Variants in MAP7D2 observed in about 807,000 individuals in gnomAD.
MAP7D2 encodes MAP7 domain-containing protein 2.
A neutral mutation model predicts 63.5 loss-of-function variants in MAP7D2; 33 were observed. The ratio of observed to expected loss-of-function variants is 0.52; its 90% confidence interval spans 0.39 to 0.70. The LOEUF (loss-of-function observed/expected upper bound fraction) is 0.70, where lower values mean the gene tolerates loss of function less well. Ranked by LOEUF, MAP7D2 falls within the 30% of genes least tolerant of loss-of-function variation. The pLI, the probability that MAP7D2 is intolerant of heterozygous loss-of-function variation, is 0.00. For missense variants in MAP7D2, 626 were observed against 604.0 expected (o/e 1.04, Z -0.38); for synonymous variants, 224 against 223.7 (o/e 1.00, Z -0.01).
intron 1 of MAP7D2, among the ~76,000 whole-genome samples, chrX:20,099,235 ACTCTCTCTCTCTCTCTCT>A (rs72039188): frequency 6.6e-4 from 62 of 93,655 alleles, no homozygotes; most frequent in African/African-American, 2.1e-3. Context: ...GCAAGTTTAT[ACTCTCTCTCTCTCTCTCT>A]CTCTCTCTCT....
At chrX:20,062,404 G>A (rs761025724) in intron 3 of MAP7D2, among the ~76,000 whole-genome samples, 1 of 111,008 alleles carries the variant, frequency 9.0e-6, no homozygotes, top group Admixed American at 9.6e-5. Flanking sequence ...TCTAAGAGGA[G>A]GAAAGAAATC....
chrX:20,099,317 G>A (rs1264489389), intron 1 of MAP7D2, among the ~76,000 whole-genome samples: 2 of 109,104 alleles, frequency 1.8e-5, no homozygotes, highest in East Asian at 2.9e-4. Context: ...TAACACCTCG[G>A]CAGCCTAGAA....
At chrX:20,116,082 G>C (rs1012424346) in intron 1 of MAP7D2, among the ~76,000 whole-genome samples, 2 of 113,040 alleles carry the variant, frequency 1.8e-5, no homozygotes, top group African/African-American at 3.2e-5. Context: ...ATGGCTCCCA[G>C]CATCGGCAGC....
intron 4 of MAP7D2, among the ~76,000 whole-genome samples, chrX:20,053,907 G>A (rs755672974): frequency 6.3e-5 from 7 of 111,452 alleles, no homozygotes; most frequent in Non-Finnish European, 1.3e-4. Context: ...GCAGTGGCAC[G>A]ATCTCGGCTC....
chrX:20,042,088 G>C (rs749235592), intron 8 of MAP7D2, among the ~76,000 whole-genome samples: 4 of 111,019 alleles, frequency 3.6e-5, no homozygotes, highest in Non-Finnish European at 5.7e-5. Context: ...AAATACTGTT[G>C]ATCATGGCTG....
intron 6 of MAP7D2, among the ~76,000 whole-genome samples, chrX:20,044,872 AG>A (rs2064753877): frequency 9.0e-6 from 1 of 111,595 alleles, no homozygotes; most frequent in Admixed American, 9.6e-5. Context: ...GTGCTTGGAA[AG>A]GCCTGCTTAT....
chrX:20,066,739 C>A (rs763765953), intron 1 of MAP7D2, among the ~76,000 whole-genome samples: 1 of 111,318 alleles, frequency 9.0e-6, no homozygotes, highest in African/African-American at 3.3e-5. Flanking sequence ...TTAAACCCTG[C>A]CCATCTTCAA....
intron 1 of MAP7D2, among the ~76,000 whole-genome samples, chrX:20,107,104 A>C (rs779118650): frequency 1.4e-3 from 160 of 111,459 alleles, no homozygotes; most frequent in African/African-American, 4.8e-3. Flanking sequence ...AAATGATGAA[A>C]TCTAATGTGC....
At position 20,054,483 on chromosome X, in the gene MAP7D2, C is replaced by T. The variant is rs185150920; in HGVS notation, c.485-1495G>A. 3.7e-3 allele frequency among the ~76,000 whole-genome samples: 408 copies of T among 111,507 alleles called. 2 individuals carry two copies. The highest frequency in any genetic ancestry group is 0.012 in the African/African-American group (379 of 30,682). On this transcript the variant is annotated intron_variant, in intron 4 of 16. Transcript: ENST00000379643. ...CTTTATTACTGAGATTTTTGGCACT[C>T]CCTTAAATTGTATGCTCTAGTCAAG...
At chrX:20,114,380 G>A (rs1397193520) in intron 1 of MAP7D2, among the ~76,000 whole-genome samples, 4 of 112,661 alleles carry the variant, frequency 3.6e-5, no homozygotes, top group Non-Finnish European at 7.5e-5. Context: ...AACAGAGTGA[G>A]ACTTCATCTA....
intron 4 of MAP7D2, among the ~76,000 whole-genome samples, chrX:20,056,093 C>T (rs971153450): frequency 2.7e-5 from 3 of 111,591 alleles, no homozygotes; most frequent in African/African-American, 9.8e-5. Flanking sequence ...ATGCTAAGAT[C>T]GCTGAAATGT....
intron 1 of MAP7D2, among the ~76,000 whole-genome samples, chrX:20,109,193 A>G (rs982702946): frequency 4.6e-5 from 5 of 108,952 alleles, no homozygotes; most frequent in Admixed American, 1.0e-4. Flanking sequence ...TTTATTATCC[A>G]TCCGTGGAGG....
intron 1 of MAP7D2, among the ~76,000 whole-genome samples, chrX:20,099,076 G>A (rs1224406994): frequency 8.9e-6 from 1 of 112,460 alleles, no homozygotes; most frequent in Non-Finnish European, 1.9e-5. Flanking sequence ...TTTTTAAACA[G>A]GGACCAATAA....
At chrX:20,036,903 C>CAA (rs59036515) in intron 8 of MAP7D2, among the ~76,000 whole-genome samples, 28 of 29,549 alleles carry the variant, frequency 9.5e-4, no homozygotes, top group Non-Finnish European at 1.2e-3. Context: ...GACTCCATCT[C>CAA]AAAAAAAAAA....
At position 20,063,504 on chromosome X, in the gene MAP7D2, T is replaced by A. The variant is rs1029815390; in HGVS notation, c.282A>T (p.Arg94=). The change falls in exon 3 of 17, where the codon CGA becomes CGT. Residue 94 remains arginine (R), a synonymous_variant. Transcript: ENST00000379643. ...GCCGCTGCTCTTCCAGTTTTCGCCATCGCTCCTCCATTTGCTTTTCGTACT... is the reference window on the plus strand; with the variant it reads ...GCCGCTGCTCTTCCAGTTTTCGCCAACGCTCCTCCATTTGCTTTTCGTACT... ...RLQYEKQMEE[R]WRKLEEQRQR... The A allele has an allele frequency of 4.1e-6, 5 of 1,212,182 alleles. No homozygotes were observed. The highest frequency in any genetic ancestry group is 5.6e-6 in the Non-Finnish European group (5 of 895,538).
chrX:20,094,500 ATATATATATATATATG>A lies in MAP7D2; in HGVS notation c.130+22234_130+22249del, dbSNP rs1299738418. ...AAAAAATACATACATATATATATAT[ATATATATATATATATG>A]TATATATATATATATATATATATAT... On this transcript the variant is annotated intron_variant, in intron 1 of 16. Coordinates refer to ENST00000379643, the MANE Select transcript of MAP7D2 (RefSeq NM_001168465.2). Among the ~76,000 whole-genome samples, 49 of 19,845 alleles carry A rather than the reference ATATATATATATATATG, an allele frequency of 2.5e-3. 3 individuals are homozygous for A. The highest frequency in any genetic ancestry group is 7.9e-3 in the African/African-American group (43 of 5,431). 17.2% of individuals were successfully genotyped at this position (19,845 alleles called of 115,157 possible). A position where few individuals can be genotyped will look rare whatever the true frequency, so the allele number is the denominator to read the frequency against.
chrX:20,084,489 A>C (rs2065856081), intron 1 of MAP7D2, among the ~76,000 whole-genome samples: 1 of 110,487 alleles, frequency 9.1e-6, no homozygotes, highest in Admixed American at 9.7e-5. Flanking sequence ...TGACAGCATC[A>C]ATGGGCATAA....
chrX:20,065,779 C>A (rs1371368892), intron 1 of MAP7D2, among the ~76,000 whole-genome samples: 2 of 112,038 alleles, frequency 1.8e-5, no homozygotes, highest in Admixed American at 1.9e-4. Context: ...TCCAACCAAC[C>A]CCTGCAGAAC....
intron 1 of MAP7D2, among the ~76,000 whole-genome samples, chrX:20,073,042 C>T (rs1285434333): frequency 1.8e-5 from 2 of 110,262 alleles, no homozygotes; most frequent in Non-Finnish European, 3.8e-5. Context: ...ATTTGTAGTG[C>T]TCCCCCCCAC....
Sources: gnomAD v4.1 joint callset for allele counts (sites outside exome capture counted in the v4.1 genomes callset) on GRCh38, gnomAD v4.1.1 for gene constraint, MANE v1.5 for transcripts, NCBI Gene and HGNC (gene_info 2026-07-23, HGNC 2026-07-21) for gene names.